The following ALDH8A1 variants were observed in gnomAD, a reference collection of about 807,000 sequenced individuals.
ALDH8A1 encodes the protein aldehyde dehydrogenase 8 family member A1.
Under a neutral mutation model 43.3 loss-of-function variants are expected in ALDH8A1, and 39 were observed. The observed-to-expected ratio is 0.90, with a 90% CI of 0.70 to 1.18. The LOEUF (loss-of-function observed/expected upper bound fraction) is 1.18. Among genes scored for constraint, ALDH8A1 ranks in the 50% most tolerant of loss-of-function variants. ALDH8A1 has a pLI of 0.00. For missense variants in ALDH8A1, 605 were observed against 622.6 expected, an observed-to-expected ratio of 0.97 and a Z score of 0.30; for synonymous variants, 233 against 243.5, an observed-to-expected ratio of 0.96 and a Z score of 0.40.
chr6:134,931,420 T>G (rs1423646869), intron 5 of ALDH8A1, among the ~76,000 whole-genome samples: 1 of 152,076 alleles, frequency 6.6e-6, no homozygotes, highest in Non-Finnish European at 1.5e-5. Context: ...CCCACCACTA[T>G]GCCCAGCTAA....
chr6:134,947,519 C>T (rs972896995), intron 1 of ALDH8A1, among the ~76,000 whole-genome samples: 5 of 152,012 alleles, frequency 3.3e-5, no homozygotes, highest in African/African-American at 9.7e-5. Flanking sequence ...GGAGCTTGAG[C>T]TTGTATATAT....
chr6:134,918,478 T>C lies in ALDH8A1; in HGVS notation c.1401A>G (p.Arg467=), dbSNP rs1776743063. ...AGTCGTAAGAGTCCTTGGCTCCCTC[T>C]CTACCTATTCCAGAACTCTTCATCC... ...FGGMKSSGIG[R]EGAKDSYDFF... Residue 467 remains arginine, a synonymous_variant, in exon 7 of 7, where the codon AGA becomes AGG. Transcript: ENST00000265605. 5 of 1,614,082 alleles carry C rather than the reference T, an allele frequency of 3.1e-6. No homozygotes were observed. Among genetic ancestry groups the C allele is most frequent in the African/African-American group, 1.3e-5 (1 of 74,928 alleles).
chr6:134,935,071 A>G (rs1313283983), intron 4 of ALDH8A1, among the ~76,000 whole-genome samples: 2 of 152,134 alleles, frequency 1.3e-5, no homozygotes, highest in Non-Finnish European at 2.9e-5. Flanking sequence ...TCCTCCAAGT[A>G]CTTGTTCTCC....
intron 6 of ALDH8A1, among the ~76,000 whole-genome samples, chr6:134,923,538 G>A (rs1776838731): frequency 6.6e-6 from 1 of 152,102 alleles, no homozygotes; most frequent in African/African-American, 2.4e-5. Flanking sequence ...AAATTGAAAT[G>A]ATATTAAGAT....
Position 134,950,056 on chromosome 6 carries a change from C to A in ALDH8A1, c.-3G>T. 1.2e-6 allele frequency: 2 copies of A among 1,607,408 alleles called. No individual in the cohort carries two copies. The highest frequency in any genetic ancestry group is 2.2e-5 in the East Asian group (1 of 44,776). ...AAAAGTGCGTTTGTTCCAGCCATAG[C>A]AAGGAAAAATTCTGCCTTTCCTCTT... On this transcript the variant is annotated 5_prime_UTR_variant, in exon 1 of 7. Coordinates refer to ENST00000265605, the MANE Select transcript of ALDH8A1 (RefSeq NM_022568.4).
rs1773898259 is a variant in ALDH8A1 at position 134,943,557 on chromosome 6, C to T, written c.286+262G>A. On this transcript the variant is annotated intron_variant, in intron 2 of 6. Coordinates refer to ENST00000265605, the MANE Select transcript of ALDH8A1 (RefSeq NM_022568.4). Reference sequence around the variant, plus strand: ...TGCTGTATATATTTGCACTTCCTTTCATCCAATGAACAGAGTATATTTCTT... The same window carrying T: ...TGCTGTATATATTTGCACTTCCTTTTATCCAATGAACAGAGTATATTTCTT... 2.0e-5 allele frequency among the ~76,000 whole-genome samples: 3 copies of T among 152,230 alleles called. No homozygotes were observed. In the East Asian group the frequency reaches 5.8e-4, roughly 29 times the overall value.
chr6:134,928,003 C>T (rs1020462263), intron 6 of ALDH8A1, among the ~76,000 whole-genome samples: 4 of 152,206 alleles, frequency 2.6e-5, no homozygotes, highest in Admixed American at 2.0e-4. Context: ...TATGTACCTG[C>T]AATCTTGTAG....
In ALDH8A1 at chr6:134,928,926, A is replaced by G. The variant is rs887280583; in HGVS notation, c.1011+128T>C. 4.1e-6 allele frequency: 4 copies of G among 964,756 alleles called. No individual in the cohort carries two copies. In the Admixed American group the frequency reaches 1.1e-4, roughly 27 times the overall value. The allele number at this position is 964,756 out of a possible 1,614,324, so 59.8% of individuals were successfully genotyped here. A position where few individuals can be genotyped will look rare whatever the true frequency, so the allele number is the denominator to read the frequency against. ...AGACTCTGTGTCCACAATTTCTCCC[A>G]GGTTATAATTTTTCAAAAATGGGGT... On this transcript the variant is annotated intron_variant, in intron 6 of 6. Transcript: ENST00000265605.
intron 5 of ALDH8A1, among the ~76,000 whole-genome samples, chr6:134,929,436 T>G (rs1452088381): frequency 2.0e-5 from 3 of 152,158 alleles, no homozygotes; most frequent in African/African-American, 7.2e-5. Context: ...CTTCAGGTTG[T>G]GATCAAAGCC....
At position 134,918,649 on chromosome 6, in the gene ALDH8A1, T is replaced by C; in HGVS notation, c.1230A>G (p.Glu410=). The change falls in exon 7 of 7, where the codon GAA becomes GAG. Residue 410 remains glutamate, a synonymous_variant. Coordinates refer to ENST00000265605, the MANE Select transcript of ALDH8A1 (RefSeq NM_022568.4). ...VPFDSEEEVI[E]RANNVKYGLA... ...GCCCATACTTAACGTTGTTGGCTCT[T>C]TCAATCACCTCCTCTTCACTATCAA... The C allele has an allele frequency of 6.2e-7, 1 of 1,614,196 alleles. No homozygotes were observed. Among genetic ancestry groups the C allele is most frequent in the Non-Finnish European group, 8.5e-7 (1 of 1,180,034 alleles).
chr6:134,936,953 GA>G (rs1385152688), intron 4 of ALDH8A1, among the ~76,000 whole-genome samples: 1 of 152,096 alleles, frequency 6.6e-6, no homozygotes, highest in Admixed American at 6.5e-5. Flanking sequence ...AGACTAGAAG[GA>G]AACCCCTCAA....
chr6:134,928,974 TCTGATTGTGCTATGC>T, intron 6 of ALDH8A1, 65 bp downstream of exon 6: 1 of 1,465,574 alleles, frequency 6.8e-7, no homozygotes, highest in Non-Finnish European at 9.2e-7. Flanking sequence ...TATTTCAGAG[TCTGATTGTGCTATGC>T]CTGTACTGAG....
At chr6:134,939,561 T>C (rs1773815727) in intron 3 of ALDH8A1, 146 bp from the exon 4 acceptor site, 6 of 938,768 alleles carry the variant, frequency 6.4e-6, no homozygotes, top group Non-Finnish European at 9.2e-6. Context: ...TGCTTATTTG[T>C]AGCCACTTTC....
rs148475686 is a variant in ALDH8A1, at chr6:134,939,386, G to C, written c.472C>G (p.Leu158Val). The C allele has an allele frequency of 6.2e-7, 1 of 1,614,178 alleles. No individual in the cohort carries two copies. The highest frequency in any genetic ancestry group is 8.5e-7 in the Non-Finnish European group (1 of 1,180,038). Residue 158 changes from leucine to valine, a missense_variant, in exon 4 of 7, where the codon CTC (leucine) becomes GTC (valine). Transcript: ENST00000265605. ...AGLISPWNLP[L>V]YLLTWKIAPA... ...GCTATCTTCCAGGTCAGCAAGTAGA[G>C]TGGCAAATTCCAGGGGCTGATCAGA...
chr6:134,937,686 C>A (rs1425426985), intron 4 of ALDH8A1, among the ~76,000 whole-genome samples: 6 of 152,186 alleles, frequency 3.9e-5, no homozygotes, highest in Non-Finnish European at 1.5e-5. Flanking sequence ...AGAGGGCAAG[C>A]CCCAGGCCTA....
chr6:134,942,619 T>C, intron 2 of ALDH8A1, 55 bp from the exon 3 acceptor site: 1 of 1,555,002 alleles, frequency 6.4e-7, no homozygotes, highest in Admixed American at 1.8e-5. Flanking sequence ...ACTCTATCCA[T>C]CAGCTTCCAC....
chr6:134,937,099 T>G (rs1773755531), intron 4 of ALDH8A1, among the ~76,000 whole-genome samples: 1 of 152,084 alleles, frequency 6.6e-6, no homozygotes, highest in African/African-American at 2.4e-5. Context: ...ACGCAGTCAG[T>G]GGGCACTCCA....
At chr6:134,946,786 G>GTGCACAGGTGTGCATGTGTGCGCGCA (rs534082327) in intron 1 of ALDH8A1, among the ~76,000 whole-genome samples, 8 of 150,040 alleles carry the variant, frequency 5.3e-5, no homozygotes, top group African/African-American at 7.6e-5. Context: ...GTGTGCGCGC[G>GTGCACAGGTGTGCATGTGTGCGCGCA]CGCACAGGTG....
intron 1 of ALDH8A1, among the ~76,000 whole-genome samples, chr6:134,945,940 G>T (rs187032566): frequency 6.6e-6 from 1 of 152,084 alleles, no homozygotes; most frequent in Non-Finnish European, 1.5e-5. Context: ...GTGAATTCTC[G>T]TGAGATCTAA....
Sources: allele counts gnomAD v4.1 joint callset (sites outside exome capture counted in the v4.1 genomes callset), GRCh38; gene constraint gnomAD v4.1.1; transcripts MANE v1.5; gene names NCBI Gene and HGNC (gene_info 2026-07-23, HGNC 2026-07-21).